Variants in LRRC4C observed in about 807,000 individuals in gnomAD.
LRRC4C encodes the protein leucine-rich repeat-containing protein 4C.
A neutral mutation model predicts 33.6 loss-of-function variants in LRRC4C; 5 were observed. The ratio of observed to expected loss-of-function variants is 0.15; its 90% confidence interval spans 0.08 to 0.31. The LOEUF (loss-of-function observed/expected upper bound fraction) is 0.31, where lower values mean the gene tolerates loss of function less well. Ranked by LOEUF, LRRC4C falls within the 10% of genes least tolerant of loss-of-function variation. The pLI is 1.00. For missense variants in LRRC4C, 560 were observed against 796.7 expected, an observed-to-expected ratio of 0.70 and a Z score of 3.58; for synonymous variants, 329 against 302.0, an observed-to-expected ratio of 1.09 and a Z score of -0.93.
At chr11:40,968,613 T>C (rs1592216771) in intron 1 of LRRC4C, among the ~76,000 whole-genome samples, 1 of 151,710 alleles carries the variant, frequency 6.6e-6, no homozygotes, top group African/African-American at 2.4e-5. Context: ...CATTTACAAC[T>C]CTGAAAATTT....
chr11:40,472,832 A>G (rs1413239218), intron 3 of LRRC4C, among the ~76,000 whole-genome samples: 1 of 152,212 alleles, frequency 6.6e-6, no homozygotes, highest in Non-Finnish European at 1.5e-5. Flanking sequence ...AAACACCTCT[A>G]CACAAATAAA....
chr11:41,013,554 T>C (rs931256967), intron 1 of LRRC4C, among the ~76,000 whole-genome samples: 1 of 152,158 alleles, frequency 6.6e-6, no homozygotes, highest in Non-Finnish European at 1.5e-5. Flanking sequence ...TTTTACTAAA[T>C]ATTGTGTCAT....
chr11:41,216,347 G>T (rs1565487185), intron 1 of LRRC4C, among the ~76,000 whole-genome samples: 2 of 148,772 alleles, frequency 1.3e-5, no homozygotes, highest in Non-Finnish European at 3.0e-5. Flanking sequence ...TGTCAAGAAA[G>T]AAAAACGACA....
intron 2 of LRRC4C, among the ~76,000 whole-genome samples, chr11:40,751,076 GA>G (rs199548498): frequency 1.3e-5 from 2 of 148,244 alleles, no homozygotes; most frequent in African/African-American, 4.9e-5. Flanking sequence ...CTCCCTTTAT[GA>G]AAAAAAAGAA....
At chr11:41,265,878 TA>T (rs11397900) in intron 1 of LRRC4C, among the ~76,000 whole-genome samples, 1 of 149,920 alleles carries the variant, frequency 6.7e-6, no homozygotes, top group African/African-American at 2.4e-5. Context: ...TTTCTTTTTT[TA>T]AAAAAAAAAT....
chr11:40,636,586 CA>C (rs1037036037), intron 3 of LRRC4C, among the ~76,000 whole-genome samples: 2 of 152,050 alleles, frequency 1.3e-5, no homozygotes, highest in African/African-American at 4.8e-5. Flanking sequence ...ATAAATATCC[CA>C]AATGCCTCCA....
chr11:40,882,117 T>A (rs1455071669), intron 2 of LRRC4C, among the ~76,000 whole-genome samples: 3 of 152,114 alleles, frequency 2.0e-5, no homozygotes, highest in Non-Finnish European at 4.4e-5. Flanking sequence ...GTATTGGGAA[T>A]GGCTGCTTTC....
intron 1 of LRRC4C, among the ~76,000 whole-genome samples, chr11:41,381,575 C>T (rs1953150866): frequency 6.8e-6 from 1 of 146,808 alleles, no homozygotes; most frequent in South Asian, 2.1e-4. Flanking sequence ...TGCAGTGAGC[C>T]AAGATTGCGC....
chr11:40,704,221 T>G (rs1946027215), intron 2 of LRRC4C, among the ~76,000 whole-genome samples: 1 of 152,186 alleles, frequency 6.6e-6, no homozygotes, highest in Non-Finnish European at 1.5e-5. Context: ...ACTACATCAT[T>G]TTATATAAGG....
At chr11:41,152,432 A>C (rs1944040319) in intron 1 of LRRC4C, among the ~76,000 whole-genome samples, 1 of 152,206 alleles carries the variant, frequency 6.6e-6, no homozygotes, top group Admixed American at 6.5e-5. Context: ...TTTTCTCTGA[A>C]GTCCCTGATA....
chr11:40,339,976 G>A (rs900147933), intron 3 of LRRC4C, among the ~76,000 whole-genome samples: 1 of 152,110 alleles, frequency 6.6e-6, no homozygotes, highest in African/African-American at 2.4e-5. Context: ...AAAATCTAAA[G>A]ATTGTGTGGG....
chr11:40,436,743 T>C (rs1174641333), intron 3 of LRRC4C, among the ~76,000 whole-genome samples: 1 of 152,198 alleles, frequency 6.6e-6, no homozygotes. Flanking sequence ...CTGGAGAGAA[T>C]GGCAGCAGGG....
chr11:40,452,796 G>A (rs552887670), intron 3 of LRRC4C, among the ~76,000 whole-genome samples: 1 of 152,174 alleles, frequency 6.6e-6, no homozygotes, highest in African/African-American at 2.4e-5. Context: ...GTCCAACAAT[G>A]ATAGACTGGA....
At chr11:40,898,353 C>CA (rs765252333) in intron 2 of LRRC4C, among the ~76,000 whole-genome samples, 1,508 of 38,364 alleles carry the variant, frequency 0.039, 150 homozygotes, top group African/African-American at 0.15. Flanking sequence ...AACTCCATCT[C>CA]AAAAAAAAAA....
intron 2 of LRRC4C, among the ~76,000 whole-genome samples, chr11:40,931,819 A>C (rs1319258198): frequency 6.6e-6 from 1 of 152,084 alleles, no homozygotes; most frequent in African/African-American, 2.4e-5. Context: ...TTGTAGCAGG[A>C]TATTCTATTC....
At chr11:41,126,621 CT>C (rs1471062364) in intron 1 of LRRC4C, among the ~76,000 whole-genome samples, 1 of 151,934 alleles carries the variant, frequency 6.6e-6, no homozygotes, top group Admixed American at 6.6e-5. Flanking sequence ...TTAGGTAGCC[CT>C]TCCAACACTG....
chr11:40,602,204 A>AG (rs1431595991), intron 3 of LRRC4C, among the ~76,000 whole-genome samples: 2 of 116,760 alleles, frequency 1.7e-5, no homozygotes, highest in Non-Finnish European at 4.1e-5. Flanking sequence ...AAAAAAAAAA[A>AG]AAAAAAGAAA....
chr11:41,275,314 C>T (rs1000847409), intron 1 of LRRC4C, among the ~76,000 whole-genome samples: 40 of 152,134 alleles, frequency 2.6e-4, no homozygotes, highest in African/African-American at 6.7e-4. Flanking sequence ...TGAGAGAAAA[C>T]GAAGATGATG....
Position 41,391,005 on chromosome 11 carries a change from TG to T in LRRC4C, c.-496+68425del, listed in dbSNP as rs531717891. On this transcript the variant is annotated intron_variant, in intron 1 of 6. Coordinates refer to ENST00000528697, the MANE Select transcript of LRRC4C (RefSeq NM_001258419.2). ...AATTAAAAAAAAAAAAAAAGTGTCC[TG>T]CCTTGGGCCATATAAGTAAGCATTT... Among the ~76,000 whole-genome samples the T allele has an allele frequency of 3.5e-3, 528 of 150,748 alleles. 3 individuals carry two copies. The highest frequency in any genetic ancestry group is 5.8e-3 in the Non-Finnish European group (391 of 67,718).
Sources: allele counts gnomAD v4.1 joint callset (sites outside exome capture counted in the v4.1 genomes callset), GRCh38; gene constraint gnomAD v4.1.1; transcripts MANE v1.5; gene names NCBI Gene and HGNC (gene_info 2026-07-23, HGNC 2026-07-21).